Variants in XKR9 observed in about 807,000 individuals in gnomAD.
XKR9 encodes the protein XK related 9.
A neutral mutation model predicts 32.0 loss-of-function variants in XKR9; 32 were observed. The observed-to-expected ratio is 1.00, with a 90% CI of 0.76 to 1.34. The LOEUF is 1.34. Ranked by LOEUF, XKR9 falls within the 40% of genes most tolerant of loss-of-function variation. The pLI, the probability that XKR9 is intolerant of heterozygous loss-of-function variation, is 0.00. For synonymous variants in XKR9, 168 were observed against 143.4 expected (o/e 1.17, Z -1.22); for missense variants, 546 against 429.7 (o/e 1.27, Z -2.39).
chr8:70,749,041 G>A (rs1300768137), intron 2 of XKR9, among the ~76,000 whole-genome samples: 1 of 152,030 alleles, frequency 6.6e-6, no homozygotes, highest in Non-Finnish European at 1.5e-5. Context: ...TACCCACCAT[G>A]GGTCTCCTCT....
chr8:70,843,533 A>G, the XKR9 span, among the ~76,000 whole-genome samples: 1 of 152,220 alleles, frequency 6.6e-6, no homozygotes, highest in Non-Finnish European at 1.5e-5. Context: ...CCCACTTCAA[A>G]TAGATCTTCT....
chr8:70,889,664 A>G, the XKR9 span, among the ~76,000 whole-genome samples: 1 of 151,922 alleles, frequency 6.6e-6, no homozygotes, highest in Non-Finnish European at 1.5e-5. Flanking sequence ...CAAATATTAT[A>G]TGTAATATTT....
At chr8:70,921,416 A>T in the XKR9 span, among the ~76,000 whole-genome samples, 1 of 152,268 alleles carries the variant, frequency 6.6e-6, no homozygotes, top group Admixed American at 6.5e-5. Context: ...GTAGCAAACT[A>T]AAATGAAATC....
intron 2 of XKR9, among the ~76,000 whole-genome samples, chr8:70,789,055 A>G (rs1807728564): frequency 6.6e-6 from 1 of 152,070 alleles, no homozygotes; most frequent in African/African-American, 2.4e-5. Flanking sequence ...ATGCTATTTA[A>G]TCAAACTAAT....
chr8:70,950,591 T>G, the XKR9 span, among the ~76,000 whole-genome samples: 1 of 152,132 alleles, frequency 6.6e-6, no homozygotes, highest in Non-Finnish European at 1.5e-5. Flanking sequence ...GTTTCGTCTT[T>G]GTCTTCAGAG....
intron 2 of XKR9, among the ~76,000 whole-genome samples, chr8:70,741,595 A>T (rs897933644): frequency 6.6e-6 from 1 of 152,200 alleles, no homozygotes; most frequent in Admixed American, 6.5e-5. Flanking sequence ...ACTGAATAGT[A>T]TTCCATTTTA....
At chr8:71,018,816 A>G in the XKR9 span, among the ~76,000 whole-genome samples, 1 of 152,244 alleles carries the variant, frequency 6.6e-6, no homozygotes, top group African/African-American at 2.4e-5. Flanking sequence ...CTTTTTATGG[A>G]TGAAATTTAG....
At chr8:70,750,986 C>T (rs1271027761) in intron 2 of XKR9, among the ~76,000 whole-genome samples, 1 of 152,160 alleles carries the variant, frequency 6.6e-6, no homozygotes, top group Non-Finnish European at 1.5e-5. Flanking sequence ...CTCAGTTGAA[C>T]ATGTGAATAG....
rs186878539 is a variant in XKR9, at chr8:70,788,207, C to T, written n.353-1132C>T. Among the ~76,000 whole-genome samples the T allele has an allele frequency of 5.9e-5, 9 of 152,142 alleles. No individual in the cohort carries two copies. The East Asian group carries it at 1.4e-3, about 23-fold the overall frequency. On this transcript the variant is annotated intron_variant and non_coding_transcript_variant, in intron 2 of 3. Transcript: ENST00000520273. ...GTAAATAATAGCACCAACCCTACAA[C>T]GTAGTTCTGAGAATGGGGTTAGTGT...
the XKR9 span, among the ~76,000 whole-genome samples, chr8:70,976,633 G>A: frequency 6.6e-6 from 1 of 152,114 alleles, no homozygotes; most frequent in South Asian, 2.1e-4. Context: ...ATTTTATGGA[G>A]GATTTTTCAC....
the XKR9 span, among the ~76,000 whole-genome samples, chr8:71,003,226 A>G: frequency 1.3e-5 from 2 of 152,368 alleles, no homozygotes; most frequent in Admixed American, 6.5e-5. Context: ...TCAGAAAGTC[A>G]TTGGCCTGAG....
At chr8:71,032,300 A>AAAC in the XKR9 span, among the ~76,000 whole-genome samples, 36 of 149,036 alleles carry the variant, frequency 2.4e-4, no homozygotes, top group Middle Eastern at 3.5e-3. Flanking sequence ...AAAAAAAAAA[A>AAAC]AAAAAAAACC....
At chr8:71,059,806 T>C in the XKR9 span, among the ~76,000 whole-genome samples, 2 of 152,202 alleles carry the variant, frequency 1.3e-5, no homozygotes, top group African/African-American at 4.8e-5. Context: ...GGATCGTTCC[T>C]GTGGTCTCCA....
the XKR9 span, among the ~76,000 whole-genome samples, chr8:70,915,393 AATTAAACT>A: frequency 6.6e-6 from 1 of 151,978 alleles, no homozygotes; most frequent in Non-Finnish European, 1.5e-5. Context: ...TTAGTTTCAA[AATTAAACT>A]ATAAACTAAA....
chr8:70,811,715 C>T, the XKR9 span, among the ~76,000 whole-genome samples: 1 of 152,190 alleles, frequency 6.6e-6, no homozygotes, highest in African/African-American at 2.4e-5. Context: ...TTCCTCAACA[C>T]ATACACACTC....
chr8:71,049,647 G>A, the XKR9 span, among the ~76,000 whole-genome samples: 986 of 152,290 alleles, frequency 6.5e-3, 10 homozygotes, highest in African/African-American at 0.022. Flanking sequence ...AAGAATGGAA[G>A]TCAGAAGGAG....
the XKR9 span, among the ~76,000 whole-genome samples, chr8:70,829,684 G>A: frequency 6.6e-6 from 1 of 152,100 alleles, no homozygotes; most frequent in Non-Finnish European, 1.5e-5. Context: ...TCCTCACCTC[G>A]TGATCCTCCT....
chr8:70,685,165 A>G (rs1310170626), intron 3 of XKR9, among the ~76,000 whole-genome samples: 2 of 152,084 alleles, frequency 1.3e-5, no homozygotes, highest in Non-Finnish European at 2.9e-5. Flanking sequence ...CTACGCAGCC[A>G]TAAAAAATGA....
intron 4 of XKR9, among the ~76,000 whole-genome samples, chr8:70,716,433 TG>T (rs66508542): frequency 0.33 from 49,785 of 151,526 alleles, 9,269 homozygotes; most frequent in Non-Finnish European, 0.43. Context: ...AGGGCTGCGG[TG>T]GGGGGCCTTA....
Sources: allele counts gnomAD v4.1 joint callset (sites outside exome capture counted in the v4.1 genomes callset), GRCh38; gene constraint gnomAD v4.1.1; transcripts MANE v1.5; gene names NCBI Gene and HGNC (gene_info 2026-07-23, HGNC 2026-07-21).